The following SEC23IP variants were observed in gnomAD, a reference collection of about 807,000 sequenced individuals.
SEC23IP encodes the protein SEC23-interacting protein.
In SEC23IP, 70 loss-of-function variants were observed where a neutral mutation model predicts 113.4. The observed-to-expected ratio is 0.62, with a 90% CI of 0.51 to 0.75. The LOEUF is 0.75. Ranked by LOEUF, SEC23IP falls within the 30% of genes least tolerant of loss-of-function variation. The probability of loss-of-function intolerance (pLI) is 0.00; values close to 1 mark genes in which losing one functional copy is unlikely to be tolerated. For missense variants in SEC23IP, 1,160 were observed against 1,204.9 expected, an observed-to-expected ratio of 0.96 and a Z score of 0.55; for synonymous variants, 398 against 421.0, an observed-to-expected ratio of 0.95 and a Z score of 0.67.
At chr10:119,909,382 G>A (rs1310006929) in intron 5 of SEC23IP, among the ~76,000 whole-genome samples, 1 of 152,116 alleles carries the variant, frequency 6.6e-6, no homozygotes, top group Non-Finnish European at 1.5e-5. Flanking sequence ...TGAGACAGGT[G>A]GAATGCTTGA....
rs1855655405 is a variant in SEC23IP at position 119,932,991 on chromosome 10, G to A, written c.2759-14G>A. The A allele has an allele frequency of 6.2e-7, 1 of 1,608,482 alleles. No homozygotes were observed. Among genetic ancestry groups the A allele is most frequent in the Admixed American group, 1.7e-5 (1 of 59,524 alleles). ...AAGTGATTGACTTTGATATTGAAAT[G>A]GTTTAAATTCTAGCAGAAAAGGTTG... On this transcript the variant is annotated splice_polypyrimidine_tract_variant and intron_variant, in intron 16 of 18. Transcript: ENST00000369075.
chr10:119,903,993 T>C, intron 3 of SEC23IP, 91 bp from the exon 4 acceptor site: 2 of 1,370,988 alleles, frequency 1.5e-6, no homozygotes, highest in East Asian at 2.4e-5. Context: ...GTGCTGGGAT[T>C]ACAGGCATGA....
intron 1 of SEC23IP, among the ~76,000 whole-genome samples, chr10:119,894,834 A>T (rs1047515527): frequency 6.7e-6 from 1 of 149,722 alleles, no homozygotes; most frequent in East Asian, 2.0e-4. Context: ...AAACGTTTTC[A>T]TTGTTAAGTC....
Position 119,898,415 on chromosome 10 carries a change from G to A in SEC23IP, c.164-12G>A. 3 of 1,603,520 alleles carry A rather than the reference G, an allele frequency of 1.9e-6. No homozygotes were observed. In the South Asian group the frequency reaches 3.4e-5, roughly 18 times the overall value. On this transcript the variant is annotated splice_polypyrimidine_tract_variant and intron_variant, in intron 1 of 18. Coordinates refer to ENST00000369075, the MANE Select transcript of SEC23IP (RefSeq NM_007190.4). Reference sequence around the variant, plus strand: ...TACCCTTTAAACCACATGCTCTCCTGTTCCATTTCAGAGGATTCCACAGAT... The same window carrying A: ...TACCCTTTAAACCACATGCTCTCCTATTCCATTTCAGAGGATTCCACAGAT...
chr10:119,902,279 TCGGGAGA>T (rs1854521932), intron 2 of SEC23IP, among the ~76,000 whole-genome samples: 1 of 152,178 alleles, frequency 6.6e-6, no homozygotes, highest in African/African-American at 2.4e-5. Flanking sequence ...TCGCTTGAAC[TCGGGAGA>T]CGGAGGCTGT....
At chr10:119,896,379 C>A (rs1854285429) in intron 1 of SEC23IP, among the ~76,000 whole-genome samples, 2 of 152,158 alleles carry the variant, frequency 1.3e-5, no homozygotes, top group South Asian at 4.2e-4. Flanking sequence ...GTTTGAATGT[C>A]TGAATGAATG....
Position 119,915,727 on chromosome 10 carries a change from T to TC in SEC23IP, c.1403-21_1403-20insC, listed in dbSNP as rs71482627. Reference sequence around the variant, plus strand: ...CTAGGAGAATTTAATTTATTTTCTCTTTTTTTTTTTTCTTTTGAAGTGGAT... The same window carrying TC: ...CTAGGAGAATTTAATTTATTTTCTCTCTTTTTTTTTTTCTTTTGAAGTGGAT... On this transcript the variant is annotated intron_variant, in intron 7 of 18. Coordinates refer to ENST00000369075, the MANE Select transcript of SEC23IP (RefSeq NM_007190.4). 36 of 750,362 alleles carry TC rather than the reference T, an allele frequency of 4.8e-5. No individual in the cohort carries two copies. The South Asian group carries it at 5.5e-4, about 11-fold the overall frequency. 46.5% of individuals were successfully genotyped at this position (750,362 alleles called of 1,614,324 possible).
intron 4 of SEC23IP, 61 bp from the exon 5 acceptor site, chr10:119,908,980 C>G (rs1007556489): frequency 3.6e-6 from 4 of 1,119,038 alleles, no homozygotes; most frequent in Non-Finnish European, 5.3e-6. Flanking sequence ...TTCCTCCATA[C>G]TTTCTCTCCA....
rs201977379 is a variant in SEC23IP at position 119,918,523 on chromosome 10, C to T, written c.1872+12C>T. On this transcript the variant is annotated intron_variant, in intron 10 of 18. Coordinates refer to ENST00000369075, the MANE Select transcript of SEC23IP (RefSeq NM_007190.4). The stretch of plus-strand genomic sequence containing the variant: ...TTCAGGAAAAGCAGGTACGTCTGTA[C>T]GTGGCCAATTAACATTTCGATTTAG... The T allele has an allele frequency of 1.4e-4, 200 of 1,467,258 alleles. 1 individual carries two copies. The highest frequency in any genetic ancestry group is 6.8e-4 in the East Asian group (30 of 44,162). The allele number at this position is 1,467,258 out of a possible 1,614,324, so 90.9% of individuals were successfully genotyped here.
Position 119,926,304 on chromosome 10 carries a change from TC to T in SEC23IP, c.2313+78del. On this transcript the variant is annotated intron_variant, in intron 13 of 18. Transcript: ENST00000369075. Reference sequence around the variant, plus strand: ...TTTATCATTTGGGTTGGCTTTAAGTTCTTTAAATATTTATTTAACATTTATT... The same window carrying T: ...TTTATCATTTGGGTTGGCTTTAAGTTTTTAAATATTTATTTAACATTTATT... 3 of 1,322,394 alleles carry T rather than the reference TC, an allele frequency of 2.3e-6. No homozygotes were observed. In the South Asian group the frequency reaches 4.9e-5, roughly 22 times the overall value. 81.9% of individuals were successfully genotyped at this position (1,322,394 alleles called of 1,614,324 possible). A position where few individuals can be genotyped will look rare whatever the true frequency, so the allele number is the denominator to read the frequency against.
intron 6 of SEC23IP, 150 bp downstream of exon 6, chr10:119,912,314 G>A (rs1564912566): frequency 2.1e-6 from 2 of 933,868 alleles, no homozygotes; most frequent in Non-Finnish European, 3.1e-6. Context: ...TCTATTTTTT[G>A]TAGAGATGAA....
Position 119,904,057 on chromosome 10 carries a change from A to G in SEC23IP, c.908-27A>G, listed in dbSNP as rs191235497. 912 of 1,608,576 alleles carry G rather than the reference A, an allele frequency of 5.7e-4. 3 individuals carry two copies. The African/African-American group carries it at 0.01, about 18-fold the overall frequency. ...TTTTACAATATGCCTTGCAGCAGTT[A>G]GGAAAAGTGTTAATTTTGTTCTCTA... On this transcript the variant is annotated intron_variant, in intron 3 of 18. Transcript: ENST00000369075.
At chr10:119,898,403 A>C in intron 1 of SEC23IP, 24 bp from the exon 2 acceptor site, 1 of 1,590,178 alleles carries the variant, frequency 6.3e-7, no homozygotes, top group Non-Finnish European at 8.6e-7. Context: ...CCTTTAAACC[A>C]CATGCTCTCC....
Position 119,932,145 on chromosome 10 carries a change from G to A in SEC23IP, c.2585G>A (p.Ser862Asn). Residue 862 changes from serine (S) to asparagine (N), a missense_variant, in exon 16 of 19, where the codon AGT (serine) becomes AAT (asparagine). Ser to Asn is a conservative substitution (Grantham distance 46, BLOSUM62 1). Transcript: ENST00000369075. Reference sequence around the variant, plus strand: ...TTAATCTCTTTAGAATTGAAAGAGAGTCTCTCTCGTATGGGATCTGATTTG... The same window carrying A: ...TTAATCTCTTTAGAATTGAAAGAGAATCTCTCTCGTATGGGATCTGATTTG... ...RKRLHLELKE[S>N]LSRMGSDLKQ... 1 of 1,607,652 alleles carries A rather than the reference G, an allele frequency of 6.2e-7. No individual in the cohort carries two copies. Among genetic ancestry groups the A allele is most frequent in the Non-Finnish European group, 8.5e-7 (1 of 1,174,524 alleles).
intron 1 of SEC23IP, among the ~76,000 whole-genome samples, chr10:119,894,915 T>TGTGTGTGTGTGTGTGTGTGA (rs1564901522): frequency 6.6e-6 from 1 of 151,332 alleles, no homozygotes; most frequent in East Asian, 1.9e-4. Flanking sequence ...TGTGTGTGTG[T>TGTGTGTGTGTGTGTGTGTGA]GTGTGTGTGT....
Position 119,932,058 on chromosome 10 carries a change from T to C in SEC23IP, c.2573-75T>C, listed in dbSNP as rs1855623492. 3 of 926,778 alleles carry C rather than the reference T, an allele frequency of 3.2e-6. No homozygotes were observed. The Admixed American group carries it at 5.5e-5, about 17-fold the overall frequency. The allele number at this position is 926,778 out of a possible 1,614,324, so 57.4% of individuals were successfully genotyped here. A position where few individuals can be genotyped will look rare whatever the true frequency, so the allele number is the denominator to read the frequency against. On this transcript the variant is annotated intron_variant, in intron 15 of 18. Coordinates refer to ENST00000369075, the MANE Select transcript of SEC23IP (RefSeq NM_007190.4). ...AGTCTTATCCTGTCTGAGAAGAGTG[T>C]TAACTTACAATTTTTGTGAGGCAGA...
At chr10:119,915,369 G>T (rs183189615) in intron 7 of SEC23IP, among the ~76,000 whole-genome samples, 127 of 152,166 alleles carry the variant, frequency 8.3e-4, no homozygotes, top group Middle Eastern at 6.8e-3. Flanking sequence ...GTGGGGGTTG[G>T]GGGTGAAGAG....
intron 16 of SEC23IP, among the ~76,000 whole-genome samples, chr10:119,932,608 A>G (rs758283913): frequency 2.0e-5 from 3 of 152,168 alleles, no homozygotes; most frequent in Non-Finnish European, 4.4e-5. Flanking sequence ...TGAGAACTCA[A>G]TTTGTTTTAG....
chr10:119,929,118 A>G (rs1375776680), intron 13 of SEC23IP, among the ~76,000 whole-genome samples: 1 of 152,260 alleles, frequency 6.6e-6, no homozygotes, highest in Non-Finnish European at 1.5e-5. Flanking sequence ...AACCATATTT[A>G]TAACCATAAT....
Sources: allele counts gnomAD v4.1 joint callset (sites outside exome capture counted in the v4.1 genomes callset), GRCh38; gene constraint gnomAD v4.1.1; transcripts MANE v1.5; gene names NCBI Gene and HGNC (gene_info 2026-07-23, HGNC 2026-07-21).